The following HS3ST3A1 variants were observed in gnomAD, a reference collection of about 807,000 sequenced individuals.
The protein encoded by HS3ST3A1 is heparan sulfate-glucosamine 3-sulfotransferase 3A1, also known as heparan sulfate glucosamine 3-O-sulfotransferase 3A1.
Under a neutral mutation model 25.7 loss-of-function variants are expected in HS3ST3A1, and 19 were observed. The observed-to-expected ratio is 0.74, with a 90% CI of 0.52 to 1.08. The LOEUF is 1.08. Ranked by LOEUF, HS3ST3A1 falls within the 50% of genes least tolerant of loss-of-function variation. The pLI is 0.00. For synonymous variants in HS3ST3A1, 226 were observed against 278.6 expected (o/e 0.81, Z 1.88); for missense variants, 459 against 594.3 (o/e 0.77, Z 2.37).
intron 1 of HS3ST3A1, among the ~76,000 whole-genome samples, chr17:13,532,910 C>T (rs374983747): frequency 0.47 from 63,274 of 134,780 alleles, 14,671 homozygotes; most frequent in African/African-American, 0.64. Context: ...TTTATATACA[C>T]ACACACACAC....
chr17:13,585,859 T>C (rs1908248464), intron 1 of HS3ST3A1, among the ~76,000 whole-genome samples: 1 of 141,390 alleles, frequency 7.1e-6, no homozygotes, highest in African/African-American at 2.7e-5. Context: ...TTTTTTTTTT[T>C]TTTTTTTTCT....
At chr17:13,558,772 G>C (rs1160678004) in intron 1 of HS3ST3A1, among the ~76,000 whole-genome samples, 14 of 152,198 alleles carry the variant, frequency 9.2e-5, no homozygotes, top group Admixed American at 8.5e-4. Flanking sequence ...ATTAGAGACT[G>C]CAGAGTTGCA....
rs758949700 is a variant in HS3ST3A1, at chr17:13,600,796, C to T, written c.334G>A (p.Ala112Thr). The change falls in exon 1 of 2, where the codon GCC becomes ACC. Residue 112 changes from alanine (A) to threonine (T), a missense_variant. By Grantham distance (58) the Ala-to-Thr change is moderately conservative. This residue lies in a region of HS3ST3A1 where 346 missense variants were observed against 303.9 expected (regional missense o/e 1.14). Coordinates refer to ENST00000284110, the MANE Select transcript of HS3ST3A1 (RefSeq NM_006042.3). Reference protein sequence around the residue: ...PAPRDDGEEAAWEEESPGLSG... With the variant: ...PAPRDDGEEATWEEESPGLSG... ...AGGCCAGGGGACTCTTCTTCCCAGG[C>T]CGCCTCCTCGCCGTCGTCGCGGGGC... 10 of 1,428,122 alleles carry T rather than the reference C, an allele frequency of 7.0e-6. No homozygotes were observed. In the African/African-American group the frequency reaches 9.1e-5, roughly 13 times the overall value. The allele number at this position is 1,428,122 out of a possible 1,614,324, so 88.5% of individuals were successfully genotyped here.
At chr17:13,517,666 T>A (rs916854616) in intron 1 of HS3ST3A1, among the ~76,000 whole-genome samples, 1 of 152,166 alleles carries the variant, frequency 6.6e-6, no homozygotes, top group Admixed American at 6.5e-5. Flanking sequence ...TATTATTATT[T>A]TTTGAGAGGG....
intron 1 of HS3ST3A1, 93 bp downstream of exon 1, chr17:13,600,438 G>A (rs2142402656): frequency 7.0e-7 from 1 of 1,428,170 alleles, no homozygotes; most frequent in African/African-American, 1.5e-5. Context: ...GTGGGGAGGA[G>A]GGCGAACTGG....
Position 13,523,506 on chromosome 17 carries a change from T to C in HS3ST3A1, c.600-26688A>G, listed in dbSNP as rs186349149. 3.3e-5 allele frequency among the ~76,000 whole-genome samples: 5 copies of C among 152,354 alleles called. No individual in the cohort carries two copies. The East Asian group carries it at 7.7e-4, about 24-fold the overall frequency. ...GTGATCTATGGTGTTGAATATCAAA[T>C]GTTGCAAAGATGTTGAGAAATGGCA... On this transcript the variant is annotated intron_variant, in intron 1 of 1. Coordinates refer to ENST00000284110, the MANE Select transcript of HS3ST3A1 (RefSeq NM_006042.3).
At chr17:13,529,876 C>A (rs537724506) in intron 1 of HS3ST3A1, among the ~76,000 whole-genome samples, 88 of 152,136 alleles carry the variant, frequency 5.8e-4, no homozygotes, top group African/African-American at 1.6e-3. Flanking sequence ...GAGCTCCCCC[C>A]CACCCCAATT....
intron 1 of HS3ST3A1, among the ~76,000 whole-genome samples, chr17:13,536,352 T>C (rs1906770155): frequency 6.6e-6 from 1 of 152,184 alleles, no homozygotes; most frequent in African/African-American, 2.4e-5. Context: ...ATTTATGGAA[T>C]GGACTTGATT....
chr17:13,535,529 T>C (rs1310890747), intron 1 of HS3ST3A1, among the ~76,000 whole-genome samples: 5 of 152,214 alleles, frequency 3.3e-5, no homozygotes, highest in Non-Finnish European at 7.3e-5. Flanking sequence ...GCTCTGGGCA[T>C]GCCCACAAAT....
At chr17:13,538,472 C>T (rs12452587) in intron 1 of HS3ST3A1, among the ~76,000 whole-genome samples, 65,709 of 151,970 alleles carry the variant, frequency 0.43, 14,866 homozygotes, top group Middle Eastern at 0.53. Context: ...ACTTCTGATG[C>T]TTATCACTAA....
chr17:13,546,130 G>A (rs9894020), intron 1 of HS3ST3A1, among the ~76,000 whole-genome samples: 67,007 of 151,958 alleles, frequency 0.44, 16,355 homozygotes, highest in African/African-American at 0.66. Flanking sequence ...TGTCTACCAC[G>A]TGGACCAACT....
intron 1 of HS3ST3A1, among the ~76,000 whole-genome samples, chr17:13,597,936 GC>G (rs767605852): frequency 6.6e-6 from 1 of 152,194 alleles, no homozygotes; most frequent in South Asian, 2.1e-4. Flanking sequence ...AGGTGGCACT[GC>G]CACCACAAAC....
At chr17:13,573,708 TG>T (rs1305906386) in intron 1 of HS3ST3A1, among the ~76,000 whole-genome samples, 1 of 152,148 alleles carries the variant, frequency 6.6e-6, no homozygotes, top group African/African-American at 2.4e-5. Context: ...ACGGGCTGAA[TG>T]TTTGTACCCC....
At chr17:13,564,627 G>A (rs192660198) in intron 1 of HS3ST3A1, among the ~76,000 whole-genome samples, 6 of 151,578 alleles carry the variant, frequency 4.0e-5, no homozygotes, top group African/African-American at 1.5e-4. Context: ...GTATTGTTTT[G>A]TGGGAGCGGG....
At chr17:13,588,106 G>A (rs1396839781) in intron 1 of HS3ST3A1, among the ~76,000 whole-genome samples, 1 of 152,122 alleles carries the variant, frequency 6.6e-6, no homozygotes, top group Non-Finnish European at 1.5e-5. Flanking sequence ...AACAGCCAGT[G>A]GTCTTATAGT....
chr17:13,529,736 T>C (rs1906543704), intron 1 of HS3ST3A1, among the ~76,000 whole-genome samples: 1 of 152,146 alleles, frequency 6.6e-6, no homozygotes, highest in South Asian at 2.1e-4. Context: ...GGAAAACATT[T>C]TGTGGGTTGA....
intron 1 of HS3ST3A1, chr17:13,543,742 C>A (rs931464594): frequency 1.3e-5 from 2 of 153,926 alleles, no homozygotes; most frequent in Admixed American, 1.3e-4. Context: ...GAATTTTTAA[C>A]TGTTAAAGCT....
At chr17:13,545,792 C>T (rs1346023357) in intron 1 of HS3ST3A1, among the ~76,000 whole-genome samples, 1 of 151,934 alleles carries the variant, frequency 6.6e-6, no homozygotes, top group Non-Finnish European at 1.5e-5. Context: ...GCCTAGCTAA[C>T]ATGGTGAAAC....
At chr17:13,544,280 G>A (rs1369317247) in intron 1 of HS3ST3A1, among the ~76,000 whole-genome samples, 1 of 152,112 alleles carries the variant, frequency 6.6e-6, no homozygotes, top group African/African-American at 2.4e-5. Flanking sequence ...TACATCATAA[G>A]AAGAAGAGCA....
Sources: allele counts gnomAD v4.1 joint callset (sites outside exome capture counted in the v4.1 genomes callset), GRCh38; gene constraint gnomAD v4.1.1; regional missense constraint gnomAD v4.1.1; transcripts MANE v1.5; gene names NCBI Gene and HGNC (gene_info 2026-07-23, HGNC 2026-07-21).